The following PHC3 variants were observed in gnomAD, a reference collection of about 807,000 sequenced individuals.
PHC3 encodes polyhomeotic homolog 3.
PHC3 carries 13 observed loss-of-function variants against 107.4 expected under a neutral mutation model. The observed-to-expected ratio is 0.12, with a 90% CI of 0.08 to 0.19. The LOEUF (loss-of-function observed/expected upper bound fraction) is 0.19. PHC3 is among the 10% of genes least tolerant of loss of function. The probability of loss-of-function intolerance (pLI) is 1.00; values close to 1 mark genes in which losing one functional copy is unlikely to be tolerated. For synonymous variants in PHC3, 456 were observed against 427.4 expected (o/e 1.07, Z -0.83); for missense variants, 992 against 1,210.9 (o/e 0.82, Z 2.68).
chr3:170,177,482 T>C (rs1294610163), intron 2 of PHC3, among the ~76,000 whole-genome samples: 19 of 152,106 alleles, frequency 1.2e-4, no homozygotes, highest in Admixed American at 1.2e-3. Flanking sequence ...TACTCCTGCC[T>C]CAGCCTCCCA....
intron 4 of PHC3, among the ~76,000 whole-genome samples, chr3:170,161,663 C>G (rs1176699446): frequency 6.6e-6 from 1 of 152,224 alleles, no homozygotes; most frequent in African/African-American, 2.4e-5. Flanking sequence ...GTTCCATGGC[C>G]TGACCCCTGA....
chr3:170,130,563 G>T (rs951795663), intron 7 of PHC3, among the ~76,000 whole-genome samples: 1 of 152,074 alleles, frequency 6.6e-6, no homozygotes, highest in East Asian at 1.9e-4. Flanking sequence ...TGCTTGCAGA[G>T]AATGAGACAA....
intron 10 of PHC3, among the ~76,000 whole-genome samples, chr3:170,116,233 T>C (rs749951670): frequency 5.9e-5 from 9 of 152,120 alleles, no homozygotes; most frequent in Non-Finnish European, 1.5e-5. Context: ...AAACCATCAA[T>C]TGGGTAGCTT....
intron 4 of PHC3, 126 bp downstream of exon 4, chr3:170,171,247 G>T: frequency 1.6e-5 from 10 of 632,330 alleles, no homozygotes; most frequent in South Asian, 6.6e-5. Context: ...TCTATTTCTG[G>T]GCAATTGTTA....
At chr3:170,099,682 C>T (rs776010445) in intron 14 of PHC3, among the ~76,000 whole-genome samples, 15 of 152,138 alleles carry the variant, frequency 9.9e-5, no homozygotes, top group Non-Finnish European at 1.6e-4. Context: ...TGTCTGGCAT[C>T]ACTTCTCCAG....
intron 2 of PHC3, among the ~76,000 whole-genome samples, chr3:170,173,829 C>T (rs1203654682): frequency 6.6e-6 from 1 of 152,172 alleles, no homozygotes; most frequent in Admixed American, 6.6e-5. Context: ...TGATTTTTAG[C>T]TTCTACTTCA....
intron 9 of PHC3, among the ~76,000 whole-genome samples, chr3:170,121,294 T>C (rs928547666): frequency 6.6e-6 from 1 of 152,012 alleles, no homozygotes; most frequent in Non-Finnish European, 1.5e-5. Flanking sequence ...GGCAACATAG[T>C]GAGACCCTAT....
intron 4 of PHC3, among the ~76,000 whole-genome samples, chr3:170,155,835 T>C (rs923256767): frequency 6.6e-6 from 1 of 152,162 alleles, no homozygotes; most frequent in Non-Finnish European, 1.5e-5. Flanking sequence ...CATGCACCAC[T>C]ACCTGTGAGA....
At chr3:170,131,846 G>T (rs776705976) in intron 7 of PHC3, among the ~76,000 whole-genome samples, 3 of 152,032 alleles carry the variant, frequency 2.0e-5, no homozygotes, top group Non-Finnish European at 4.4e-5. Context: ...CAAAAAAAAA[G>T]AATAACAAAT....
At chr3:170,100,784 T>C (rs963635711) in intron 14 of PHC3, among the ~76,000 whole-genome samples, 20 of 152,064 alleles carry the variant, frequency 1.3e-4, no homozygotes, top group Admixed American at 8.5e-4. Context: ...TTAGCCTAAA[T>C]AAAAAAAGAA....
rs1330084666 is a variant in PHC3, at chr3:170,087,622, T to C, written c.*9608A>G. 1 of 152,084 alleles carries C rather than the reference T, an allele frequency of 6.6e-6. No homozygotes were observed. Among genetic ancestry groups the C allele is most frequent in the Non-Finnish European group, 1.5e-5 (1 of 67,996 alleles). The allele number at this position is 152,084 out of a possible 1,614,324, so 9.4% of individuals were successfully genotyped here. ...GCTTTTATTTGTAAAGAAATGAACT[T>C]ACAACTGATCTACAATATATTATTG... On this transcript the variant is annotated 3_prime_UTR_variant, in exon 15 of 15. Coordinates refer to ENST00000495893, the MANE Select transcript of PHC3 (RefSeq NM_024947.4).
chr3:170,128,778 G>A lies in PHC3; in HGVS notation c.1694C>T (p.Ala565Val). 6.2e-7 allele frequency: 1 copy of A among 1,614,000 alleles called. No individual in the cohort carries two copies. The highest frequency in any genetic ancestry group is 8.5e-7 in the Non-Finnish European group (1 of 1,179,884). The change falls in exon 8 of 15, where the codon GCT becomes GTT. Residue 565 changes from alanine to valine, a missense_variant. Physicochemically the swap from Ala to Val is moderately conservative, Grantham distance 64. Around this residue, in one of 6 missense-constraint regions of PHC3, gnomAD observed 543 missense variants for 590.8 expected, o/e 0.92. Coordinates refer to ENST00000495893, the MANE Select transcript of PHC3 (RefSeq NM_024947.4). ...VSEEELPAAE[A>V]LVQLPFQTLP... ...AGTCTGAAATGGCAACTGGACCAAA[G>A]CTTCTGCAGCTGGAAGTTCCTCTTC...
intron 9 of PHC3, among the ~76,000 whole-genome samples, chr3:170,117,910 G>C (rs919920566): frequency 4.6e-5 from 7 of 152,026 alleles, no homozygotes; most frequent in Admixed American, 6.6e-5. Context: ...CTACTTGGGA[G>C]GCTGAGACAG....
intron 6 of PHC3, among the ~76,000 whole-genome samples, chr3:170,145,047 T>C (rs1170508121): frequency 6.6e-6 from 1 of 152,186 alleles, no homozygotes; most frequent in Non-Finnish European, 1.5e-5. Flanking sequence ...TAATTCACTT[T>C]CAAACTTAAA....
rs1195101437 is a variant in PHC3, at chr3:170,089,064, G to A, written c.*8166C>T. ...TGCCAGTAATCCCAGCTACTTGGGA[G>A]GCCAAGGTGGGAGAATCTATTGAAC... On this transcript the variant is annotated 3_prime_UTR_variant, in exon 15 of 15. Coordinates refer to ENST00000495893, the MANE Select transcript of PHC3 (RefSeq NM_024947.4). 6.6e-6 allele frequency: 1 copy of A among 152,262 alleles called. No homozygotes were observed. The allele number at this position is 152,262 out of a possible 1,614,324, so 9.4% of individuals were successfully genotyped here.
intron 14 of PHC3, 85 bp downstream of exon 14, chr3:170,102,394 T>C (rs1483894282): frequency 7.2e-6 from 11 of 1,534,262 alleles, no homozygotes; most frequent in African/African-American, 1.4e-5. Flanking sequence ...TCTAGCCCTT[T>C]TGTGCAAAAG....
chr3:170,166,099 C>CA (rs1486927023), intron 4 of PHC3, among the ~76,000 whole-genome samples: 45 of 152,074 alleles, frequency 3.0e-4, no homozygotes, highest in Admixed American at 2.4e-3. Flanking sequence ...GGATGGAGTG[C>CA]AGTGGTGTGA....
At chr3:170,138,258 T>A (rs1330255440) in intron 6 of PHC3, among the ~76,000 whole-genome samples, 1 of 152,136 alleles carries the variant, frequency 6.6e-6, no homozygotes, top group Non-Finnish European at 1.5e-5. Flanking sequence ...AAACTTTTCA[T>A]CAGTTCTATT....
chr3:170,102,315 T>C lies in PHC3; in HGVS notation c.2833+164A>G, dbSNP rs1349660624. On this transcript the variant is annotated intron_variant, in intron 14 of 14. Transcript: ENST00000495893. ...AAAATACCCAGTAGTGCTGAGGGAA[T>C]AAGCAAGAGGAAACAGATCATATTT... 3.0e-6 allele frequency: 3 copies of C among 985,308 alleles called. No homozygotes were observed. In the East Asian group the frequency reaches 3.4e-4, roughly 112 times the overall value. 61.0% of individuals were successfully genotyped at this position (985,308 alleles called of 1,614,324 possible).
Sources: gnomAD v4.1 joint callset for allele counts (sites outside exome capture counted in the v4.1 genomes callset) on GRCh38, gnomAD v4.1.1 for gene constraint, gnomAD v4.1.1 regional missense constraint, MANE v1.5 for transcripts, NCBI Gene and HGNC (gene_info 2026-07-23, HGNC 2026-07-21) for gene names.